The following DPYD variants were observed in gnomAD, a reference collection of about 807,000 sequenced individuals.
DPYD encodes dihydropyrimidine dehydrogenase [NADP(+)].
A neutral mutation model predicts 116.2 loss-of-function variants in DPYD; 109 were observed. That is an observed-to-expected ratio of 0.94 (90% CI 0.80 to 1.10). The LOEUF is 1.10. Ranked by LOEUF, DPYD falls within the 50% of genes least tolerant of loss-of-function variation. The pLI is 0.00. For synonymous variants in DPYD, 440 were observed against 432.0 expected (o/e 1.02, Z -0.23); for missense variants, 1,302 against 1,254.5 (o/e 1.04, Z -0.57).
intron 4 of DPYD, among the ~76,000 whole-genome samples, chr1:97,735,996 T>C (rs1309969955): frequency 9.2e-5 from 14 of 151,986 alleles, no homozygotes; most frequent in Admixed American, 9.2e-4. Flanking sequence ...ATTTAACATG[T>C]ATCTAATAAG....
At position 97,803,264 on chromosome 1, in the gene DPYD, T is replaced by C. The variant is rs777934806; in HGVS notation, c.233+24850A>G. On this transcript the variant is annotated intron_variant, in intron 3 of 22. Transcript: ENST00000370192. ...ACTGAAACAAATAGGAAAAACACTT[T>C]ATTGTGTTTTGTTCCTGTTTTACTA... Among the ~76,000 whole-genome samples, 3 of 151,986 alleles carry C rather than the reference T, an allele frequency of 2.0e-5. No individual in the cohort carries two copies. In the South Asian group the frequency reaches 6.2e-4, roughly 32 times the overall value.
At chr1:97,768,675 C>G (rs1328861651) in intron 3 of DPYD, among the ~76,000 whole-genome samples, 3 of 152,036 alleles carry the variant, frequency 2.0e-5, no homozygotes, top group African/African-American at 7.2e-5. Context: ...CATAAATGCT[C>G]CACATTTTTT....
intron 12 of DPYD, among the ~76,000 whole-genome samples, chr1:97,545,487 A>C (rs1650769898): frequency 6.6e-6 from 1 of 152,204 alleles, no homozygotes. Context: ...GAGTTGGAGC[A>C]AGTTGGGAAG....
intron 8 of DPYD, among the ~76,000 whole-genome samples, chr1:97,667,478 C>T (rs1215386127): frequency 2.0e-5 from 3 of 152,012 alleles, no homozygotes; most frequent in Non-Finnish European, 2.9e-5. Context: ...AACAAGCAGG[C>T]TGCAAATGAA....
At chr1:97,597,406 T>C (rs550650100) in intron 8 of DPYD, among the ~76,000 whole-genome samples, 8 of 152,288 alleles carry the variant, frequency 5.3e-5, no homozygotes, top group African/African-American at 1.9e-4. Flanking sequence ...AGCAGGGATT[T>C]TGTCACTAGA....
Position 97,454,868 on chromosome 1 carries a change from G to T in DPYD, c.1741-4645C>A, listed in dbSNP as rs927270850. On this transcript the variant is annotated intron_variant, in intron 13 of 22. Transcript: ENST00000370192. ...ATGTCTGAGTAAGAGGCTAGAAAAA[G>T]AATGGGGTCAAACAAAGTTGGATGA... 2.0e-5 allele frequency among the ~76,000 whole-genome samples: 3 copies of T among 151,974 alleles called. No homozygotes were observed. The East Asian group carries it at 5.8e-4, about 29-fold the overall frequency.
At chr1:97,589,258 C>T (rs1387170185) in intron 10 of DPYD, among the ~76,000 whole-genome samples, 1 of 152,192 alleles carries the variant, frequency 6.6e-6, no homozygotes, top group Non-Finnish European at 1.5e-5. Flanking sequence ...TACATGGTCT[C>T]AAACAATTCC....
chr1:97,493,346 A>T (rs1044179858), intron 13 of DPYD, among the ~76,000 whole-genome samples: 9 of 152,214 alleles, frequency 5.9e-5, no homozygotes, highest in Non-Finnish European at 2.9e-5. Flanking sequence ...AACACAAGCC[A>T]TGAAGGAAGC....
intron 8 of DPYD, among the ~76,000 whole-genome samples, chr1:97,677,735 T>G (rs1207472269): frequency 1.3e-5 from 2 of 152,112 alleles, no homozygotes; most frequent in Non-Finnish European, 2.9e-5. Flanking sequence ...TAGAAGACAG[T>G]GTAAATTTAT....
rs147689202 is a variant in DPYD, at chr1:97,432,114, G to A, written c.1905+17945C>T. On this transcript the variant is annotated intron_variant, in intron 14 of 22. Coordinates refer to ENST00000370192, the MANE Select transcript of DPYD (RefSeq NM_000110.4). The stretch of plus-strand genomic sequence containing the variant: ...TTTTTTAGTCCATTCATCCATTGAT[G>A]GACACTTAGGTTGAATCCATATATT... Among the ~76,000 whole-genome samples the A allele has an allele frequency of 1.0e-3, 157 of 152,132 alleles. 1 individual carries two copies. Among genetic ancestry groups the A allele is most frequent in the African/African-American group, 3.7e-3 (153 of 41,504 alleles).
chr1:97,398,630 T>C (rs982042035), intron 14 of DPYD, among the ~76,000 whole-genome samples: 2 of 152,206 alleles, frequency 1.3e-5, no homozygotes, highest in Non-Finnish European at 2.9e-5. Context: ...TTTTTAATGA[T>C]GGCCATTCTA....
At chr1:97,433,631 A>G (rs1290160475) in intron 14 of DPYD, among the ~76,000 whole-genome samples, 2 of 152,198 alleles carry the variant, frequency 1.3e-5, no homozygotes, top group African/African-American at 4.8e-5. Context: ...TAGAAGCAGA[A>G]GTCCTGCCTG....
intron 3 of DPYD, among the ~76,000 whole-genome samples, chr1:97,807,591 C>A (rs1265029612): frequency 6.6e-6 from 1 of 151,924 alleles, no homozygotes; most frequent in Non-Finnish European, 1.5e-5. Context: ...TGTAGCTTAT[C>A]TTTTCATTTC....
intron 3 of DPYD, among the ~76,000 whole-genome samples, chr1:97,771,740 G>A (rs1437401200): frequency 1.3e-5 from 2 of 152,238 alleles, no homozygotes; most frequent in South Asian, 2.1e-4. Context: ...TAGACAGTAC[G>A]TTAGCCCCAC....
intron 8 of DPYD, among the ~76,000 whole-genome samples, chr1:97,637,470 C>G (rs1294006489): frequency 1.3e-5 from 2 of 151,758 alleles, no homozygotes; most frequent in Non-Finnish European, 2.9e-5. Context: ...CCCCCAGACA[C>G]TGAACATAAG....
intron 8 of DPYD, among the ~76,000 whole-genome samples, chr1:97,666,346 A>G (rs550285079): frequency 1.3e-5 from 2 of 151,962 alleles, no homozygotes; most frequent in South Asian, 4.2e-4. Context: ...TTTTGTAGAG[A>G]TAAGGTCTTG....
At chr1:97,499,304 T>C (rs905439984) in intron 13 of DPYD, among the ~76,000 whole-genome samples, 1 of 151,846 alleles carries the variant, frequency 6.6e-6, no homozygotes, top group African/African-American at 2.4e-5. Context: ...TTGTAACCTA[T>C]GCTTCAAATG....
At chr1:97,828,840 T>C (rs1320417830) in intron 2 of DPYD, among the ~76,000 whole-genome samples, 1 of 151,964 alleles carries the variant, frequency 6.6e-6, no homozygotes. Context: ...TAGAAGAATT[T>C]TAAGATTGAG....
chr1:97,841,397 A>G (rs1670029481), intron 2 of DPYD, among the ~76,000 whole-genome samples: 2 of 152,008 alleles, frequency 1.3e-5, no homozygotes, highest in Admixed American at 1.3e-4. Context: ...CTTGTCATCA[A>G]AAAATATACT....
Sources: allele counts gnomAD v4.1 joint callset (sites outside exome capture counted in the v4.1 genomes callset), GRCh38; gene constraint gnomAD v4.1.1; transcripts MANE v1.5; gene names NCBI Gene and HGNC (gene_info 2026-07-23, HGNC 2026-07-21).